LINGO2: variants seen among roughly 807,000 people sequenced by gnomAD.
LINGO2 encodes the protein leucine rich repeat and Ig domain containing 2, also known as leucine-rich repeat and immunoglobulin-like domain-containing nogo receptor-interacting protein 2.
In LINGO2, 14 loss-of-function variants were observed where a neutral mutation model predicts 30.6. The ratio of observed to expected loss-of-function variants is 0.46; its 90% CI spans 0.30 to 0.72. The LOEUF is 0.72. LINGO2 is among the 30% of genes least tolerant of loss of function. The pLI, the probability that LINGO2 is intolerant of heterozygous loss-of-function variation, is 0.07. For missense variants in LINGO2, 729 were observed against 751.7 expected, an observed-to-expected ratio of 0.97 and a Z score of 0.35; for synonymous variants, 317 against 288.5, an observed-to-expected ratio of 1.10 and a Z score of -1.00.
chr9:28,345,904 G>C lies in LINGO2; in HGVS notation c.-246+26932C>G, dbSNP rs79206701. Reference sequence around the variant, plus strand: ...CTTATATAAACAACACCCACATAATGTATCATGACAGCGATCCCATTGGAA... The same window carrying C: ...CTTATATAAACAACACCCACATAATCTATCATGACAGCGATCCCATTGGAA... On this transcript the variant is annotated intron_variant, in intron 3 of 5. Coordinates refer to ENST00000379992, the Ensembl canonical transcript of LINGO2. Among the ~76,000 whole-genome samples, 9 of 152,206 alleles carry C rather than the reference G, an allele frequency of 5.9e-5. No homozygotes were observed. The East Asian group carries it at 1.7e-3, about 29-fold the overall frequency.
the LINGO2 span, among the ~76,000 whole-genome samples, chr9:28,897,181 G>T: frequency 6.6e-6 from 1 of 152,134 alleles, no homozygotes; most frequent in African/African-American, 2.4e-5. Context: ...TGCACACTGA[G>T]CTATCAGCGT....
chr9:28,246,088 C>G (rs1821988257), intron 4 of LINGO2, among the ~76,000 whole-genome samples: 1 of 152,002 alleles, frequency 6.6e-6, no homozygotes, highest in Admixed American at 6.6e-5. Context: ...GTACTGGTAC[C>G]AAAACAGACA....
At chr9:28,221,937 G>C in intron 4 of LINGO2, among the ~76,000 whole-genome samples, 1 of 152,056 alleles carries the variant, frequency 6.6e-6, no homozygotes, top group East Asian at 1.9e-4. Flanking sequence ...GAATATTCCA[G>C]TCTAAATCCA....
At chr9:28,375,950 C>T (rs1821113517) in intron 2 of LINGO2, among the ~76,000 whole-genome samples, 1 of 152,082 alleles carries the variant, frequency 6.6e-6, no homozygotes, top group Admixed American at 6.6e-5. Flanking sequence ...AGATTGGCAG[C>T]AAGGAGAAGC....
chr9:28,945,491 T>A, the LINGO2 span, among the ~76,000 whole-genome samples: 24,347 of 152,160 alleles, frequency 0.16, 1,980 homozygotes, highest in South Asian at 0.2. Flanking sequence ...TCTTAACAGT[T>A]ACGTAATAAA....
At chr9:29,094,623 T>C in the LINGO2 span, among the ~76,000 whole-genome samples, 12 of 138,754 alleles carry the variant, frequency 8.6e-5, 2 homozygotes, top group Non-Finnish European at 1.6e-4. Flanking sequence ...TTAAGTGGAA[T>C]TGAGATGTGC....
chr9:28,933,857 C>A, the LINGO2 span, among the ~76,000 whole-genome samples: 2 of 152,132 alleles, frequency 1.3e-5, no homozygotes, highest in Non-Finnish European at 2.9e-5. Flanking sequence ...TAATCATTTT[C>A]TCTTATAAAA....
intron 2 of LINGO2, among the ~76,000 whole-genome samples, chr9:28,377,396 T>C (rs1382064888): frequency 6.6e-6 from 1 of 152,208 alleles, no homozygotes; most frequent in Non-Finnish European, 1.5e-5. Context: ...GTTTATTTTA[T>C]TATAAAAATA....
chr9:28,754,017 A>AACACACACACAC, the LINGO2 span, among the ~76,000 whole-genome samples: 20 of 146,120 alleles, frequency 1.4e-4, no homozygotes, highest in African/African-American at 4.8e-4. Flanking sequence ...CACACACACA[A>AACACACACACAC]ACACACACAC....
intron 2 of LINGO2, among the ~76,000 whole-genome samples, chr9:28,448,457 T>C (rs567507835): frequency 3.3e-5 from 5 of 152,270 alleles, no homozygotes; most frequent in South Asian, 2.1e-4. Context: ...ACAAAACGCA[T>C]GCAAAAGAAG....
intron 4 of LINGO2, among the ~76,000 whole-genome samples, chr9:28,167,872 C>T (rs904826897): frequency 2.6e-5 from 4 of 152,156 alleles, no homozygotes; most frequent in African/African-American, 7.2e-5. Context: ...GCAAACAATT[C>T]GATTGGGCAC....
At chr9:28,780,372 C>T in the LINGO2 span, among the ~76,000 whole-genome samples, 1 of 151,918 alleles carries the variant, frequency 6.6e-6, no homozygotes, top group Non-Finnish European at 1.5e-5. Context: ...TAACAATGGA[C>T]AGCTTAGCAG....
the LINGO2 span, among the ~76,000 whole-genome samples, chr9:28,753,976 T>C: frequency 1.3e-5 from 2 of 151,130 alleles, no homozygotes; most frequent in African/African-American, 2.4e-5. Context: ...TTTTTCCACT[T>C]TAATTTTTAT....
At chr9:28,474,433 T>G (rs1438078954) in intron 2 of LINGO2, among the ~76,000 whole-genome samples, 1 of 152,158 alleles carries the variant, frequency 6.6e-6, no homozygotes, top group African/African-American at 2.4e-5. Flanking sequence ...AGAAAGTTTT[T>G]CAAAAACATA....
intron 4 of LINGO2, among the ~76,000 whole-genome samples, chr9:28,210,280 C>T (rs765959564): frequency 6.6e-6 from 1 of 151,472 alleles, no homozygotes; most frequent in South Asian, 2.1e-4. Context: ...AAATACTGAG[C>T]AATTTTCTCA....
chr9:29,001,157 T>C, the LINGO2 span, among the ~76,000 whole-genome samples: 3 of 151,858 alleles, frequency 2.0e-5, no homozygotes, highest in Non-Finnish European at 4.4e-5. Context: ...TTACTTACTC[T>C]GGATCATAGT....
chr9:29,044,247 A>T, the LINGO2 span, among the ~76,000 whole-genome samples: 3 of 152,018 alleles, frequency 2.0e-5, no homozygotes, highest in Admixed American at 2.0e-4. Flanking sequence ...TAATTAAAAT[A>T]AATGAATGGA....
the LINGO2 span, among the ~76,000 whole-genome samples, chr9:29,198,939 G>A: frequency 6.6e-6 from 1 of 151,930 alleles, no homozygotes; most frequent in Non-Finnish European, 1.5e-5. Flanking sequence ...TCCCAGTAGG[G>A]GCCTCTGAGA....
At chr9:28,275,788 T>G (rs1399410276) in intron 4 of LINGO2, among the ~76,000 whole-genome samples, 2 of 152,234 alleles carry the variant, frequency 1.3e-5, no homozygotes, top group Non-Finnish European at 2.9e-5. Flanking sequence ...TTAATGTTTT[T>G]TCTATCTTTA....
Sources: gnomAD v4.1 joint callset for allele counts (sites outside exome capture counted in the v4.1 genomes callset) on GRCh38, gnomAD v4.1.1 for gene constraint, MANE v1.5 for transcripts, NCBI Gene and HGNC (gene_info 2026-07-23, HGNC 2026-07-21) for gene names.